Variants in PSMA7 observed in about 807,000 individuals in gnomAD.
PSMA7 encodes the protein proteasome subunit alpha type-7.
A neutral mutation model predicts 31.3 loss-of-function variants in PSMA7; 5 were observed. The observed-to-expected ratio is 0.16, with a 90% CI of 0.08 to 0.34. PSMA7 has a LOEUF of 0.34. PSMA7 is among the 10% of genes least tolerant of loss of function. The pLI is 1.00. For missense variants in PSMA7, 217 were observed against 327.5 expected, an observed-to-expected ratio of 0.66 and a Z score of 2.60; for synonymous variants, 155 against 121.9, an observed-to-expected ratio of 1.27 and a Z score of -1.79.
intron 5 of PSMA7, 91 bp downstream of exon 5, chr20:62,138,080 T>C: frequency 2.6e-6 from 4 of 1,565,064 alleles, no homozygotes; most frequent in Middle Eastern, 1.7e-4. Flanking sequence ...TGCTGGATCC[T>C]TGCCACCTTC....
At chr20:62,137,528 C>CGTCCCAGGAACAGAG in intron 5 of PSMA7, 102 bp from the exon 6 acceptor site, 2 of 1,110,004 alleles carry the variant, frequency 1.8e-6, no homozygotes, top group South Asian at 2.5e-5. Context: ...AACCCAGCAC[C>CGTCCCAGGAACAGAG]GTCCCAGGAA....
intron 2 of PSMA7, 103 bp from the exon 3 acceptor site, chr20:62,140,008 C>G (rs1367607626): frequency 2.1e-6 from 3 of 1,423,128 alleles, no homozygotes; most frequent in African/African-American, 2.8e-5. Context: ...ACCCCCCAAA[C>G]CGGCAGCAAG....
chr20:62,138,194 G>C lies in PSMA7; in HGVS notation c.568C>G (p.Leu190Val), dbSNP rs551982238. The C allele has an allele frequency of 6.2e-7, 1 of 1,614,234 alleles. No homozygotes were observed. The highest frequency in any genetic ancestry group is 2.2e-5 in the East Asian group (1 of 44,888). Residue 190 changes from leucine to valine, a missense_variant, in exon 5 of 7, where the codon CTG (leucine) becomes GTG (valine). Transcript: ENST00000370873. ...ACTTCCAGGAGTGCCTTGATCACCA[G>C]CTTAATGGTCAGATCATCTGTTTCA... ...AIETDDLTIK[L>V]VIKALLEVVQ...
intron 5 of PSMA7, among the ~76,000 whole-genome samples, chr20:62,137,670 T>C (rs530042169): frequency 1.4e-4 from 22 of 152,276 alleles, no homozygotes; most frequent in African/African-American, 5.3e-4. Context: ...GTAGCGCTGC[T>C]CCAGGCCCTC....
At chr20:62,143,173 G>C in intron 1 of PSMA7, 35 bp downstream of exon 1, 15 of 1,315,742 alleles carry the variant, frequency 1.1e-5, no homozygotes, top group Non-Finnish European at 1.4e-5. Context: ...ACTTCCGCCC[G>C]CGTCCCCGGC....
At chr20:62,140,766 ATTC>A in intron 2 of PSMA7, 49 bp downstream of exon 2, 1 of 1,601,982 alleles carries the variant, frequency 6.2e-7, no homozygotes, top group Middle Eastern at 1.7e-4. Flanking sequence ...CCAAAGCCCT[ATTC>A]TTCGCTGAGA....
intron 4 of PSMA7, 129 bp from the exon 5 acceptor site, chr20:62,138,419 A>C: frequency 1.6e-6 from 2 of 1,242,880 alleles, no homozygotes; most frequent in Non-Finnish European, 2.2e-6. Context: ...AGTGCTGGAC[A>C]GCAGCTGTGG....
chr20:62,138,212 C>G lies in PSMA7; in HGVS notation c.550G>C (p.Asp184His). ...KNYTDEAIETDDLTIKLVIKA... is the reference protein window; with the variant it reads ...KNYTDEAIETHDLTIKLVIKA... ...ATCACCAGCTTAATGGTCAGATCAT[C>G]TGTTTCAATGGCTTCGTCAGTATAG... Residue 184 changes from aspartate to histidine, a missense_variant, in exon 5 of 7, where the codon GAT becomes CAT. By Grantham distance (81) the Asp-to-His change is moderately conservative (BLOSUM62 -1). Around this residue, in one of 3 missense-constraint regions of PSMA7, gnomAD observed 88 missense variants for 111.6 expected, o/e 0.79. Transcript: ENST00000370873. 1 of 1,614,240 alleles carries G rather than the reference C, an allele frequency of 6.2e-7. No individual in the cohort carries two copies. The highest frequency in any genetic ancestry group is 8.5e-7 in the Non-Finnish European group (1 of 1,180,040).
chr20:62,139,989 C>T (rs911877957), intron 2 of PSMA7, 84 bp from the exon 3 acceptor site: 5 of 1,497,906 alleles, frequency 3.3e-6, no homozygotes, highest in South Asian at 1.2e-5. Flanking sequence ...AGCATTTAAC[C>T]TTCCACAGAC....
At chr20:62,140,994 T>G (rs2056924266) in intron 1 of PSMA7, 50 bp from the exon 2 acceptor site, 1 of 1,607,112 alleles carries the variant, frequency 6.2e-7, no homozygotes, top group African/African-American at 1.3e-5. Context: ...GAGTGCTGGG[T>G]GCAGTGGCTC....
At chr20:62,142,983 G>C (rs1054536568) in intron 1 of PSMA7, among the ~76,000 whole-genome samples, 11 of 150,206 alleles carry the variant, frequency 7.3e-5, no homozygotes, top group Non-Finnish European at 1.3e-4. Context: ...GAGGCGCTGA[G>C]TGGGGAGAAC....
chr20:62,137,121 CAGT>C (rs1323358653), intron 6 of PSMA7, among the ~76,000 whole-genome samples, 172 bp from the exon 7 acceptor site: 9 of 26,650 alleles, frequency 3.4e-4, no homozygotes, highest in East Asian at 4.1e-3. Context: ...TATTAAGCAG[CAGT>C]AGCAGCAGCA....
intron 5 of PSMA7, among the ~76,000 whole-genome samples, 186 bp downstream of exon 5, chr20:62,137,985 T>G (rs1233258722): frequency 6.6e-6 from 1 of 152,156 alleles, no homozygotes; most frequent in Non-Finnish European, 1.5e-5. Context: ...GATCACATCT[T>G]GCATGGCTAT....
chr20:62,140,278 A>C (rs2056919555), intron 2 of PSMA7, among the ~76,000 whole-genome samples: 1 of 152,260 alleles, frequency 6.6e-6, no homozygotes, highest in Non-Finnish European at 1.5e-5. Context: ...ACTTCAGACC[A>C]TACTTAAATA....
intron 1 of PSMA7, among the ~76,000 whole-genome samples, chr20:62,143,002 G>A (rs1384471085): frequency 1.3e-5 from 2 of 150,036 alleles, no homozygotes; most frequent in African/African-American, 4.9e-5. Flanking sequence ...ACGAGCGCTC[G>A]CGGCTCACGC....
chr20:62,141,299 G>T (rs1286431010), intron 1 of PSMA7, among the ~76,000 whole-genome samples: 1 of 152,194 alleles, frequency 6.6e-6, no homozygotes, highest in Non-Finnish European at 1.5e-5. Context: ...TGGTTCTACT[G>T]CCAGGCAGCG....
intron 5 of PSMA7, 68 bp downstream of exon 5, chr20:62,138,103 C>G (rs1395285765): frequency 7.3e-5 from 118 of 1,607,000 alleles, no homozygotes; most frequent in Non-Finnish European, 9.3e-5. Context: ...TCCTGCTCAT[C>G]TACCTACCAC....
chr20:62,139,789 G>T lies in PSMA7; in HGVS notation c.340C>A (p.Leu114Met). The T allele has an allele frequency of 1.2e-6, 2 of 1,614,062 alleles. No homozygotes were observed. Among genetic ancestry groups the T allele is most frequent in the Non-Finnish European group, 8.5e-7 (1 of 1,180,040 alleles). Residue 114 changes from leucine to methionine, a missense_variant, in exon 3 of 7, where the codon CTG becomes ATG. Leu to Met is a conservative substitution (Grantham distance 15). Around this residue, in one of 3 missense-constraint regions of PSMA7, gnomAD observed 53 missense variants for 119.4 expected, o/e 0.44. Coordinates refer to ENST00000370873, the MANE Select transcript of PSMA7 (RefSeq NM_002792.4). ...VEYITRYIAS[L>M]KQRYTQSNGR... Reference sequence around the variant, plus strand: ...AGCGGGCAGGCACCCACCTGCTTCAGACTGGCGATGTAGCGGGTGATGTAC... The same window carrying T: ...AGCGGGCAGGCACCCACCTGCTTCATACTGGCGATGTAGCGGGTGATGTAC...
intron 2 of PSMA7, 126 bp from the exon 3 acceptor site, chr20:62,140,031 G>A: frequency 1.6e-6 from 2 of 1,277,086 alleles, no homozygotes; most frequent in Non-Finnish European, 2.1e-6. Context: ...TATTCTAACT[G>A]ACTGGCAGCG....
Sources: allele counts gnomAD v4.1 joint callset (sites outside exome capture counted in the v4.1 genomes callset), GRCh38; gene constraint gnomAD v4.1.1; regional missense constraint gnomAD v4.1.1; transcripts MANE v1.5; gene names NCBI Gene and HGNC (gene_info 2026-07-23, HGNC 2026-07-21).